MYOZ2: variants seen among roughly 807,000 people sequenced by gnomAD.
MYOZ2 encodes the protein myozenin-2.
A neutral mutation model predicts 25.4 loss-of-function variants in MYOZ2; 19 were observed. That is an observed-to-expected ratio of 0.75 (90% CI 0.52 to 1.10). The LOEUF (loss-of-function observed/expected upper bound fraction) is 1.10, where lower values mean the gene tolerates loss of function less well. MYOZ2 is among the 50% of genes least tolerant of loss of function. The pLI is 0.00. For synonymous variants in MYOZ2, 92 were observed against 106.9 expected (o/e 0.86, Z 0.86); for missense variants, 270 against 317.9 (o/e 0.85, Z 1.15).
At chr4:119,164,439 A>C (rs1443585092) in intron 5 of MYOZ2, 45 bp downstream of exon 5, 1 of 1,597,280 alleles carries the variant, frequency 6.3e-7, no homozygotes, top group Non-Finnish European at 8.6e-7. Flanking sequence ...GCAATACCAA[A>C]ATTTTTTCAT....
At chr4:119,156,541 C>G (rs924233796) in intron 3 of MYOZ2, among the ~76,000 whole-genome samples, 4 of 151,978 alleles carry the variant, frequency 2.6e-5, no homozygotes, top group Admixed American at 2.6e-4. Context: ...AATATTTTTG[C>G]TATAAGTTTT....
At chr4:119,147,757 A>AAAAAAC (rs1741337684) in intron 2 of MYOZ2, among the ~76,000 whole-genome samples, 1 of 123,852 alleles carries the variant, frequency 8.1e-6, no homozygotes. Flanking sequence ...AAAAAAAAAA[A>AAAAAAC]TCTACTTTGA....
intron 5 of MYOZ2, among the ~76,000 whole-genome samples, chr4:119,168,115 G>A (rs1741864670): frequency 6.6e-6 from 1 of 152,190 alleles, no homozygotes; most frequent in African/African-American, 2.4e-5. Flanking sequence ...TGGGACTACA[G>A]GTGCCTGCCA....
At chr4:119,161,084 C>T (rs112629719) in intron 4 of MYOZ2, among the ~76,000 whole-genome samples, 3 of 152,144 alleles carry the variant, frequency 2.0e-5, no homozygotes, top group Admixed American at 6.5e-5. Context: ...ATCCTCTGTC[C>T]TACTTTTCAC....
chr4:119,176,009 T>C (rs1332380517), intron 5 of MYOZ2, among the ~76,000 whole-genome samples: 2 of 152,206 alleles, frequency 1.3e-5, no homozygotes, highest in Non-Finnish European at 2.9e-5. Context: ...AGGTGTTTTT[T>C]ACCCTAGGCT....
At chr4:119,155,264 G>A (rs1036518244) in intron 3 of MYOZ2, among the ~76,000 whole-genome samples, 6 of 152,170 alleles carry the variant, frequency 3.9e-5, no homozygotes, top group Non-Finnish European at 5.9e-5. Flanking sequence ...ATTTCAGCAT[G>A]AGATTTAGAG....
At chr4:119,164,447 C>A in intron 5 of MYOZ2, 53 bp downstream of exon 5, 1 of 1,572,850 alleles carries the variant, frequency 6.4e-7, no homozygotes, top group Non-Finnish European at 8.7e-7. Context: ...AAAATTTTTT[C>A]ATCATGGTAC....
Position 119,186,346 on chromosome 4 carries a change from C to G in MYOZ2, c.*146C>G, listed in dbSNP as rs371220462. On this transcript the variant is annotated 3_prime_UTR_variant, in exon 6 of 6. Coordinates refer to ENST00000307128, the MANE Select transcript of MYOZ2 (RefSeq NM_016599.5). ...TCCTTTTCTGACATTCAATTTCAAT[C>G]TCAGATCAAATACTAATAAACAATT... The G allele has an allele frequency of 6.1e-6, 4 of 656,354 alleles. No homozygotes were observed. The highest frequency in any genetic ancestry group is 3.4e-4 in the Middle Eastern group (1 of 2,948). 40.7% of individuals were successfully genotyped at this position (656,354 alleles called of 1,614,324 possible).
intron 5 of MYOZ2, among the ~76,000 whole-genome samples, chr4:119,167,414 G>T (rs150168661): frequency 3.9e-5 from 6 of 152,362 alleles, no homozygotes; most frequent in Middle Eastern, 6.8e-3. Context: ...GCTAGTAGTT[G>T]TTGGTTCATG....
intron 5 of MYOZ2, among the ~76,000 whole-genome samples, chr4:119,171,423 C>CA (rs1483942493): frequency 6.6e-6 from 1 of 151,566 alleles, no homozygotes; most frequent in Non-Finnish European, 1.5e-5. Flanking sequence ...ATTTTTATTT[C>CA]AAAAAAATCA....
intron 2 of MYOZ2, among the ~76,000 whole-genome samples, chr4:119,146,815 T>C (rs190411283): frequency 3.1e-4 from 47 of 152,328 alleles, no homozygotes; most frequent in Non-Finnish European, 5.9e-4. Flanking sequence ...GATGGGGGGA[T>C]TGAAGTTTCC....
chr4:119,182,883 T>C (rs1259505244), intron 5 of MYOZ2, among the ~76,000 whole-genome samples: 1 of 152,186 alleles, frequency 6.6e-6, no homozygotes, highest in Non-Finnish European at 1.5e-5. Flanking sequence ...CTTTCCTTTT[T>C]ACAGACTAAA....
At chr4:119,159,047 T>C (rs1434430977) in intron 4 of MYOZ2, among the ~76,000 whole-genome samples, 1 of 152,174 alleles carries the variant, frequency 6.6e-6, no homozygotes, top group African/African-American at 2.4e-5. Context: ...TTGCATGCTG[T>C]TATCAAAATA....
intron 5 of MYOZ2, among the ~76,000 whole-genome samples, chr4:119,184,720 C>A (rs1742257462): frequency 6.6e-6 from 1 of 152,018 alleles, no homozygotes; most frequent in African/African-American, 2.4e-5. Flanking sequence ...TCAAACAAAG[C>A]AAAAAAGTTA....
rs1002256877 is a variant in MYOZ2 at position 119,187,042 on chromosome 4, A to C, written c.*842A>C. ...ATGTTTGTGAGAGAAGGAAAGAGTA[A>C]GTAATTTGAATTGGCAGCTTTCTTT... is the stretch of plus-strand genomic sequence containing the variant. On this transcript the variant is annotated 3_prime_UTR_variant, in exon 6 of 6. Transcript: ENST00000307128. 1 of 152,192 alleles carries C rather than the reference A, an allele frequency of 6.6e-6. No individual in the cohort carries two copies. The highest frequency in any genetic ancestry group is 1.5e-5 in the Non-Finnish European group (1 of 68,020). The allele number at this position is 152,192 out of a possible 1,614,324, so 9.4% of individuals were successfully genotyped here. A position where few individuals can be genotyped will look rare whatever the true frequency, so the allele number is the denominator to read the frequency against.
intron 3 of MYOZ2, among the ~76,000 whole-genome samples, chr4:119,153,222 G>A (rs1048755700): frequency 1.3e-5 from 2 of 152,090 alleles, no homozygotes; most frequent in Admixed American, 1.3e-4. Context: ...AAGATAGTGA[G>A]CCACGTTGTA....
intron 5 of MYOZ2, among the ~76,000 whole-genome samples, chr4:119,166,715 A>T (rs1214567351): frequency 6.6e-6 from 1 of 152,168 alleles, no homozygotes; most frequent in Non-Finnish European, 1.5e-5. Flanking sequence ...AAGCAAGTCT[A>T]TTGGTGCCAT....
intron 2 of MYOZ2, among the ~76,000 whole-genome samples, chr4:119,142,724 A>G (rs182135143): frequency 1.3e-5 from 2 of 152,232 alleles, no homozygotes; most frequent in African/African-American, 2.4e-5. Flanking sequence ...AAGTATAAAA[A>G]TTTTTAAACA....
intron 5 of MYOZ2, among the ~76,000 whole-genome samples, chr4:119,174,493 G>C (rs538993324): frequency 9.2e-5 from 14 of 152,152 alleles, no homozygotes; most frequent in Non-Finnish European, 1.9e-4. Flanking sequence ...TTTAGCTTAG[G>C]GTTTGTGAGT....
Sources: gnomAD v4.1 joint callset for allele counts (sites outside exome capture counted in the v4.1 genomes callset) on GRCh38, gnomAD v4.1.1 for gene constraint, MANE v1.5 for transcripts, NCBI Gene and HGNC (gene_info 2026-07-23, HGNC 2026-07-21) for gene names.